The following RDH13 variants were observed in gnomAD, a reference collection of about 807,000 sequenced individuals.
RDH13 encodes retinol dehydrogenase 13.
RDH13 carries 35 observed loss-of-function variants against 28.3 expected under a neutral mutation model. That is an observed-to-expected ratio of 1.24 (90% confidence interval 0.95 to 1.64). RDH13 has a LOEUF of 1.64. Ranked by LOEUF, RDH13 falls within the 40% of genes most tolerant of loss-of-function variation. RDH13 has a pLI of 0.00. For missense variants in RDH13, 514 were observed against 446.3 expected (o/e 1.15, Z -1.37); for synonymous variants, 229 against 198.5 (o/e 1.15, Z -1.29).
downstream of RDH13, chr19:55,040,708 A>G (rs2075004953): frequency 6.6e-6 from 1 of 152,254 alleles, no homozygotes; most frequent in African/African-American, 2.4e-5. Flanking sequence ...CTGGCTTTAA[A>G]ATTATTGGTA....
At chr19:55,066,426 C>CTGTCT, upstream of RDH13, among the ~76,000 whole-genome samples, 1 of 146,640 alleles carries the variant, frequency 6.8e-6, no homozygotes, top group African/African-American at 2.6e-5. Context: ...CTTCCTCTCT[C>CTGTCT]CCTCTCTGTC....
At chr19:55,051,519 C>G (rs547558522) in intron 3 of RDH13, among the ~76,000 whole-genome samples, 1 of 131,536 alleles carries the variant, frequency 7.6e-6, no homozygotes, top group Non-Finnish European at 1.6e-5. Flanking sequence ...CAACCTCTAC[C>G]GCCTGGGTTC....
intron 1 of RDH13, among the ~76,000 whole-genome samples, chr19:55,062,519 G>C (rs886627784): frequency 2.0e-5 from 3 of 151,898 alleles, no homozygotes; most frequent in African/African-American, 7.2e-5. Context: ...CCGTCTCTGC[G>C]AAAAATACAA....
chr19:55,060,646 A>T (rs997942806), intron 1 of RDH13, among the ~76,000 whole-genome samples: 3 of 151,996 alleles, frequency 2.0e-5, no homozygotes, highest in African/African-American at 7.2e-5. Context: ...CGTCCCACCC[A>T]ACTAGAAATA....
chr19:55,068,242 T>A (rs1382034199), intron 1 of RDH13, among the ~76,000 whole-genome samples: 1 of 152,086 alleles, frequency 6.6e-6, no homozygotes, highest in Non-Finnish European at 1.5e-5. Flanking sequence ...AAGATAAGTT[T>A]AGCTACTCCA....
chr19:55,046,005 T>C (rs1205344121), intron 6 of RDH13, among the ~76,000 whole-genome samples: 1 of 147,320 alleles, frequency 6.8e-6, no homozygotes, highest in Admixed American at 6.8e-5. Flanking sequence ...CCCAGCACTT[T>C]GGGAGGCTGA....
At position 55,056,774 on chromosome 19, in the gene RDH13, C is replaced by A; in HGVS notation, c.219G>T (p.Glu73Asp). The change falls in exon 3 of 7, where the codon GAG becomes GAT. Residue 73 changes from glutamate to aspartate, a missense_variant. Transcript: ENST00000415061. ...GNIILACRDM[E>D]KCEAAAKDIR... is the part of the protein sequence containing the mutation. ...TGTCCTTTGCTGCCGCCTCACACTTCTCCATGTCTCGGCAGGCCAGGATGA... is the reference window on the plus strand; with the variant it reads ...TGTCCTTTGCTGCCGCCTCACACTTATCCATGTCTCGGCAGGCCAGGATGA... The A allele has an allele frequency of 6.2e-7, 1 of 1,614,152 alleles. No homozygotes were observed. The highest frequency in any genetic ancestry group is 8.5e-7 in the Non-Finnish European group (1 of 1,180,040).
rs2146996757 is a variant in RDH13, at chr19:55,047,493, G to T, written c.659-5C>A. 1 of 1,603,242 alleles carries T rather than the reference G, an allele frequency of 6.2e-7. No individual in the cohort carries two copies. On this transcript the variant is annotated splice_polypyrimidine_tract_variant and splice_region_variant and intron_variant, in intron 5 of 6. Transcript: ENST00000415061. ...CGTTGACAGTCACACCAGAGCCTGG[G>T]GAAGAAAGAAAGAGAAGACTGAGGG...
intron 3 of RDH13, among the ~76,000 whole-genome samples, chr19:55,054,918 T>C (rs2075581072): frequency 6.6e-6 from 1 of 152,268 alleles, no homozygotes; most frequent in Non-Finnish European, 1.5e-5. Context: ...CTACAATGTA[T>C]ACAATGTACA....
At chr19:55,050,399 G>T (rs1409387834) in intron 3 of RDH13, among the ~76,000 whole-genome samples, 1 of 152,134 alleles carries the variant, frequency 6.6e-6, no homozygotes, top group Non-Finnish European at 1.5e-5. Context: ...GCAGGCGTGA[G>T]CCACCACACT....
intron 2 of RDH13, among the ~76,000 whole-genome samples, chr19:55,058,737 G>T (rs1460984840): frequency 1.3e-5 from 2 of 151,986 alleles, no homozygotes; most frequent in Non-Finnish European, 2.9e-5. Flanking sequence ...CTGGAGTGCC[G>T]TGGCGCCATC....
Position 55,048,419 on chromosome 19 carries a change from G to A in RDH13, c.568C>T (p.Gln190Ter). ...GCTTTGGTGTTATACTTCCTCGTCT[G>A]CCAGTTCAAGTCGTCAAAGTCTATG... ...GHIDFDDLNW[Q>*]TRKYNTKAAY... Residue 190 changes from glutamine to a stop codon, truncating the protein, a stop_gained, in exon 5 of 7, where the codon CAG (glutamine) becomes TAG (stop). Coordinates refer to ENST00000415061, the MANE Select transcript of RDH13 (RefSeq NM_001145971.2). LOFTEE classifies it high-confidence loss of function. 1 of 1,614,204 alleles carries A rather than the reference G, an allele frequency of 6.2e-7. No homozygotes were observed. Among genetic ancestry groups the A allele is most frequent in the Non-Finnish European group, 8.5e-7 (1 of 1,180,052 alleles).
rs985306272 is a variant in RDH13, at chr19:55,047,306, G to C, written c.760+81C>G. The C allele has an allele frequency of 5.2e-6, 8 of 1,548,090 alleles. No individual in the cohort carries two copies. The Admixed American group carries it at 1.4e-4, about 26-fold the overall frequency. On this transcript the variant is annotated intron_variant, in intron 6 of 6. Coordinates refer to ENST00000415061, the MANE Select transcript of RDH13 (RefSeq NM_001145971.2). ...GCATGAGGCCTCAGGGACGGTCTCT[G>C]AGGGAGGGTCCTGGGCCCTGGGCTG...
rs200525958 is a variant in RDH13 at position 55,056,680 on chromosome 19, G to C, written c.313C>G (p.Arg105Gly). Residue 105 changes from arginine to glycine, a missense_variant, in exon 3 of 7, where the codon CGA becomes GGA. Arg to Gly is a moderately radical substitution (Grantham distance 125, BLOSUM62 -2). Coordinates refer to ENST00000415061, the MANE Select transcript of RDH13 (RefSeq NM_001145971.2). ...HLDLASLKSI[R>G]EFAAKIIEEE... ...TCAATGATCTTTGCTGCAAACTCTC[G>C]GATAGACTTGAGGGAAGCCAAGTCC... 763 of 1,613,966 alleles carry C rather than the reference G, an allele frequency of 4.7e-4. 2 individuals are homozygous for C. The highest frequency in any genetic ancestry group is 3.8e-3 in the Middle Eastern group (23 of 6,062).
chr19:55,062,707 C>G (rs2075843730), intron 1 of RDH13, among the ~76,000 whole-genome samples: 1 of 151,892 alleles, frequency 6.6e-6, no homozygotes, highest in Admixed American at 6.6e-5. Flanking sequence ...ATAAATAATA[C>G]AAAACAACAA....
intron 5 of RDH13, chr19:55,047,976 G>T: frequency 8.5e-7 from 1 of 1,172,968 alleles, no homozygotes; most frequent in Non-Finnish European, 1.1e-6. Flanking sequence ...CTCTCCCCAA[G>T]CCAGCTGTGA....
chr19:55,060,387 G>T (rs1170366549), intron 1 of RDH13, among the ~76,000 whole-genome samples: 1 of 152,128 alleles, frequency 6.6e-6, no homozygotes, highest in Non-Finnish European at 1.5e-5. Flanking sequence ...TGCACGTCCA[G>T]GCATAGTACC....
chr19:55,059,970 C>T (rs2075759647), intron 1 of RDH13, among the ~76,000 whole-genome samples: 1 of 152,208 alleles, frequency 6.6e-6, no homozygotes, highest in African/African-American at 2.4e-5. Flanking sequence ...TCTCTAGTCT[C>T]AATAAACCAG....
At position 55,055,981 on chromosome 19, in the gene RDH13, T is replaced by A. The variant is rs180852582; in HGVS notation, c.340+672A>T. ...CAGCCTGACCAACATGGTGAAACCCTGTCTCTACCTAAAACACAAAAAATT... is the reference window on the plus strand; with the variant it reads ...CAGCCTGACCAACATGGTGAAACCCAGTCTCTACCTAAAACACAAAAAATT... On this transcript the variant is annotated intron_variant, in intron 3 of 6. Coordinates refer to ENST00000415061, the MANE Select transcript of RDH13 (RefSeq NM_001145971.2). Among the ~76,000 whole-genome samples the A allele has an allele frequency of 2.9e-3, 439 of 149,442 alleles. 2 individuals carry two copies. Among genetic ancestry groups the A allele is most frequent in the African/African-American group, 0.01 (418 of 40,424 alleles).
Sources: gnomAD v4.1 joint callset for allele counts (sites outside exome capture counted in the v4.1 genomes callset) on GRCh38, gnomAD v4.1.1 for gene constraint, MANE v1.5 for transcripts, NCBI Gene and HGNC (gene_info 2026-07-23, HGNC 2026-07-21) for gene names.